Variants in TRPC5 observed in about 807,000 individuals in gnomAD.
TRPC5 encodes the protein transient receptor potential cation channel subfamily C member 5.
In TRPC5, 9 loss-of-function variants were observed where a neutral mutation model predicts 56.5. The ratio of observed to expected loss-of-function variants is 0.16; its 90% CI spans 0.10 to 0.28. The LOEUF (loss-of-function observed/expected upper bound fraction) is 0.28, where lower values mean the gene tolerates loss of function less well. Among genes scored for constraint, TRPC5 ranks in the 10% least tolerant of loss-of-function variants. The pLI, the probability that TRPC5 is intolerant of heterozygous loss-of-function variation, is 1.00. For synonymous variants in TRPC5, 282 were observed against 278.5 expected, an observed-to-expected ratio of 1.01 and a Z score of -0.13; for missense variants, 469 against 748.9, an observed-to-expected ratio of 0.63 and a Z score of 4.36.
intron 1 of TRPC5, among the ~76,000 whole-genome samples, chrX:111,961,391 T>A (rs1927377863): frequency 8.9e-6 from 1 of 111,984 alleles, no homozygotes; most frequent in African/African-American, 3.2e-5. Flanking sequence ...TAGGAATTTT[T>A]CATACATAAT....
intron 2 of TRPC5, among the ~76,000 whole-genome samples, chrX:111,913,756 A>T (rs760959000): frequency 9.0e-6 from 1 of 111,072 alleles, no homozygotes; most frequent in Non-Finnish European, 1.9e-5. Flanking sequence ...GTCAAGAGAT[A>T]GAGACCATCC....
chrX:111,962,592 G>A (rs1326172577), intron 1 of TRPC5, among the ~76,000 whole-genome samples: 2 of 112,089 alleles, frequency 1.8e-5, no homozygotes, highest in African/African-American at 3.2e-5. Context: ...TTCTTGAGAT[G>A]GAATATATTC....
intron 7 of TRPC5, among the ~76,000 whole-genome samples, chrX:111,793,106 G>A (rs1946035166): frequency 9.0e-6 from 1 of 110,964 alleles, no homozygotes; most frequent in South Asian, 3.9e-4. Flanking sequence ...AGGAGCAGGG[G>A]AATGAATATC....
chrX:112,002,306 G>C (rs1269582558), intron 1 of TRPC5, among the ~76,000 whole-genome samples: 1 of 111,217 alleles, frequency 9.0e-6, no homozygotes, highest in Non-Finnish European at 1.9e-5. Flanking sequence ...AGTCACACTG[G>C]AACAGAATCA....
intron 3 of TRPC5, among the ~76,000 whole-genome samples, chrX:111,895,546 C>T (rs1925023681): frequency 9.1e-6 from 1 of 110,306 alleles, no homozygotes; most frequent in Non-Finnish European, 1.9e-5. Flanking sequence ...TGTTTTTTGT[C>T]CTCTGGGAAA....
intron 1 of TRPC5, among the ~76,000 whole-genome samples, chrX:111,958,270 A>C (rs189548087): frequency 3.7e-4 from 41 of 112,033 alleles, no homozygotes; most frequent in Non-Finnish European, 6.2e-4. Flanking sequence ...GTCATTCTAC[A>C]TCTCACTATC....
At chrX:111,985,340 T>C (rs951341765) in intron 1 of TRPC5, among the ~76,000 whole-genome samples, 15 of 111,956 alleles carry the variant, frequency 1.3e-4, no homozygotes, top group African/African-American at 3.9e-4. Context: ...AGCTAAAACT[T>C]CTTTGATCAC....
intron 3 of TRPC5, among the ~76,000 whole-genome samples, chrX:111,871,213 A>G (rs1011250469): frequency 8.9e-6 from 1 of 112,082 alleles, no homozygotes; most frequent in Non-Finnish European, 1.9e-5. Flanking sequence ...GGTGTTGCCT[A>G]TGCCTGTCTT....
At chrX:112,030,809 G>A (rs1276827032) in intron 1 of TRPC5, among the ~76,000 whole-genome samples, 2 of 111,975 alleles carry the variant, frequency 1.8e-5, no homozygotes, top group African/African-American at 6.5e-5. Flanking sequence ...GAGAGGTGGA[G>A]TGGGATGGAG....
intron 1 of TRPC5, among the ~76,000 whole-genome samples, chrX:112,012,133 T>A (rs1360005192): frequency 8.9e-6 from 1 of 111,877 alleles, no homozygotes; most frequent in East Asian, 2.8e-4. Context: ...AACTTAGGAC[T>A]TGGGTAGACA....
chrX:112,042,943 T>C (rs1158673755), intron 1 of TRPC5, among the ~76,000 whole-genome samples: 2 of 111,753 alleles, frequency 1.8e-5, no homozygotes, highest in Non-Finnish European at 3.8e-5. Flanking sequence ...CTCTTTTATA[T>C]GCTTATGCAA....
intron 2 of TRPC5, among the ~76,000 whole-genome samples, chrX:111,944,314 G>A (rs1216605991): frequency 1.9e-5 from 2 of 104,635 alleles, no homozygotes; most frequent in African/African-American, 7.0e-5. Context: ...GAGAGAGAGA[G>A]AGAGAGAGAG....
chrX:111,944,755 A>G lies in TRPC5; in HGVS notation c.378+7288T>C, dbSNP rs745327466. 9.0e-5 allele frequency among the ~76,000 whole-genome samples: 10 copies of G among 111,604 alleles called. No homozygotes were observed. The East Asian group carries it at 1.7e-3, about 19-fold the overall frequency. On this transcript the variant is annotated intron_variant, in intron 2 of 10. Transcript: ENST00000262839. ...AGAGGAGAACTCTGACAACAGAGGC[A>G]GAGATTGTAGTGATGCGGCTATAAG...
intron 1 of TRPC5, among the ~76,000 whole-genome samples, chrX:111,962,330 G>A (rs1927407214): frequency 1.8e-5 from 2 of 112,353 alleles, no homozygotes; most frequent in Non-Finnish European, 3.8e-5. Context: ...ATAGTCTTAA[G>A]ATTCTCTGAT....
At chrX:111,847,467 G>GCC in intron 5 of TRPC5, 31 bp from the exon 6 acceptor site, 10 of 1,145,002 alleles carry the variant, frequency 8.7e-6, no homozygotes, top group South Asian at 4.0e-5. Context: ...ACAAGATGAG[G>GCC]GGTACAGTGA....
chrX:112,023,246 G>GTTTTTTTT (rs1163231468), intron 1 of TRPC5, among the ~76,000 whole-genome samples: 9 of 56,700 alleles, frequency 1.6e-4, no homozygotes, highest in African/African-American at 2.0e-4. Context: ...TTTTTTTTTT[G>GTTTTTTTT]TTTTTTTTTT....
intron 1 of TRPC5, among the ~76,000 whole-genome samples, chrX:111,962,153 T>C (rs780679851): frequency 5.4e-5 from 6 of 111,505 alleles, no homozygotes; most frequent in African/African-American, 2.0e-4. Flanking sequence ...ATTTGGATAA[T>C]GGGTACACTA....
intron 1 of TRPC5, among the ~76,000 whole-genome samples, chrX:112,000,685 G>A (rs991773083): frequency 1.8e-5 from 2 of 112,186 alleles, no homozygotes; most frequent in African/African-American, 6.5e-5. Flanking sequence ...GGTACATCCT[G>A]TCCTACAACA....
At chrX:111,908,535 T>C (rs749965120) in intron 3 of TRPC5, among the ~76,000 whole-genome samples, 221 of 111,426 alleles carry the variant, frequency 2.0e-3, no homozygotes, top group African/African-American at 7.0e-3. Context: ...TTTATCACTA[T>C]TGACATTGAA....
Sources: allele counts gnomAD v4.1 joint callset (sites outside exome capture counted in the v4.1 genomes callset), GRCh38; gene constraint gnomAD v4.1.1; transcripts MANE v1.5; gene names NCBI Gene and HGNC (gene_info 2026-07-23, HGNC 2026-07-21).